DPP4: variants seen among roughly 807,000 people sequenced by gnomAD.
DPP4 encodes dipeptidyl peptidase 4.
Under a neutral mutation model 122.4 loss-of-function variants are expected in DPP4, and 93 were observed. The ratio of observed to expected loss-of-function variants is 0.76; its 90% CI spans 0.64 to 0.90. The LOEUF (loss-of-function observed/expected upper bound fraction) is 0.90. Among genes scored for constraint, DPP4 ranks in the 40% least tolerant of loss-of-function variants. The probability of loss-of-function intolerance (pLI) is 0.00; values close to 1 mark genes in which losing one functional copy is unlikely to be tolerated. For synonymous variants in DPP4, 321 were observed against 302.9 expected (o/e 1.06, Z -0.62); for missense variants, 914 against 907.3 (o/e 1.01, Z -0.09).
At chr2:162,044,463 T>C (rs146329758) in intron 5 of DPP4, among the ~76,000 whole-genome samples, 5,743 of 151,442 alleles carry the variant, frequency 0.038, 243 homozygotes, top group African/African-American at 0.098. Context: ...GGTGTGTGAG[T>C]GTTGGTGTGT....
intron 2 of DPP4, among the ~76,000 whole-genome samples, chr2:162,061,599 A>G (rs1270809143): frequency 6.6e-6 from 1 of 152,238 alleles, no homozygotes; most frequent in Non-Finnish European, 1.5e-5. Flanking sequence ...AGCACTTACA[A>G]ATTGTAGGTA....
intron 11 of DPP4, 77 bp from the exon 12 acceptor site, chr2:162,022,876 T>C (rs1683184648): frequency 3.6e-6 from 5 of 1,403,762 alleles, no homozygotes; most frequent in Admixed American, 1.7e-5. Context: ...TGTGGTAATA[T>C]AAATAGAGCT....
At chr2:162,053,428 A>T (rs1247749156) in intron 2 of DPP4, among the ~76,000 whole-genome samples, 9 of 133,968 alleles carry the variant, frequency 6.7e-5, no homozygotes, top group Non-Finnish European at 9.4e-5. Context: ...GAATAACTTT[A>T]AAAAAAAAAA....
At position 161,992,986 on chromosome 2, in the gene DPP4, A is replaced by T. The variant is rs1700901641; in HGVS notation, c.*297T>A. On this transcript the variant is annotated 3_prime_UTR_variant, in exon 26 of 26. Coordinates refer to ENST00000360534, the MANE Select transcript of DPP4 (RefSeq NM_001935.4). ...GATTAAAATCCTGCTCAGGGAATCT[A>T]TGCAAAGCCTCCATAAAAACAATTC... 3 of 312,138 alleles carry T rather than the reference A, an allele frequency of 9.6e-6. No homozygotes were observed. Among genetic ancestry groups the T allele is most frequent in the Non-Finnish European group, 1.8e-5 (3 of 162,346 alleles). The allele number at this position is 312,138 out of a possible 1,614,324, so 19.3% of individuals were successfully genotyped here.
At chr2:162,065,310 G>C (rs1684912508) in intron 2 of DPP4, among the ~76,000 whole-genome samples, 1 of 152,172 alleles carries the variant, frequency 6.6e-6, no homozygotes, top group Non-Finnish European at 1.5e-5. Context: ...TGAATGAGCT[G>C]TATGAGCAAG....
At chr2:162,050,259 T>TA (rs1160724284) in intron 2 of DPP4, among the ~76,000 whole-genome samples, 6 of 152,244 alleles carry the variant, frequency 3.9e-5, no homozygotes, top group African/African-American at 1.4e-4. Context: ...GGTATTAGTT[T>TA]AAAAAGTACT....
intron 18 of DPP4, among the ~76,000 whole-genome samples, chr2:162,015,826 C>A (rs1486675943): frequency 6.6e-6 from 1 of 152,138 alleles, no homozygotes; most frequent in African/African-American, 2.4e-5. Flanking sequence ...CCTTCTGTAC[C>A]AGGTTGTCAA....
intron 23 of DPP4, 129 bp downstream of exon 23, chr2:162,005,616 G>A: frequency 1.3e-6 from 1 of 778,756 alleles, no homozygotes; most frequent in Non-Finnish European, 2.0e-6. Context: ...TAAACCACCT[G>A]TGTTATTTCT....
At chr2:162,032,669 ACT>A (rs1331164970) in intron 10 of DPP4, among the ~76,000 whole-genome samples, 3 of 151,460 alleles carry the variant, frequency 2.0e-5, no homozygotes, top group Non-Finnish European at 4.4e-5. Context: ...ACAGAGCAAG[ACT>A]CTGTCTCAAA....
chr2:162,070,490 C>T (rs1412344077), intron 2 of DPP4, among the ~76,000 whole-genome samples: 1 of 152,124 alleles, frequency 6.6e-6, no homozygotes, highest in African/African-American at 2.4e-5. Flanking sequence ...TCTTTAGTTT[C>T]CACGTAATTT....
chr2:162,030,766 A>G (rs1176694219), intron 10 of DPP4, among the ~76,000 whole-genome samples: 1 of 152,230 alleles, frequency 6.6e-6, no homozygotes, highest in African/African-American at 2.4e-5. Flanking sequence ...AACAGAGACC[A>G]GAGCTATATT....
At chr2:162,068,602 G>T (rs1685022344) in intron 2 of DPP4, among the ~76,000 whole-genome samples, 1 of 152,150 alleles carries the variant, frequency 6.6e-6, no homozygotes, top group Admixed American at 6.5e-5. Flanking sequence ...CTGAGGCTAG[G>T]TCATAAAAGG....
At chr2:162,053,440 C>A (rs952802207) in intron 2 of DPP4, among the ~76,000 whole-genome samples, 10 of 150,870 alleles carry the variant, frequency 6.6e-5, no homozygotes, top group Admixed American at 1.3e-4. Context: ...AAAAAAAAAA[C>A]AAAAATAACT....
At position 162,018,743 on chromosome 2, in the gene DPP4, T is replaced by A. The variant is rs200729319; in HGVS notation, c.1406A>T (p.Gln469Leu). 3.3e-5 allele frequency: 53 copies of A among 1,613,972 alleles called. No individual in the cohort carries two copies. The highest frequency in any genetic ancestry group is 3.8e-5 in the Non-Finnish European group (45 of 1,180,030). ...CTCAGACTTACCGGAACATCTCAGC[T>A]GATAATACTTCGCCTCTTTACTGAA... is the stretch of plus-strand genomic sequence containing the variant. ...VSFSKEAKYYQLRCSGPGLPL... is the reference protein window; with the variant it reads ...VSFSKEAKYYLLRCSGPGLPL... Residue 469 changes from glutamine to leucine, a missense_variant, in exon 16 of 26, where the codon CAG becomes CTG. Physicochemically the swap from Gln to Leu is moderately radical, Grantham distance 113 (BLOSUM62 -2). Transcript: ENST00000360534.
At chr2:162,023,710 G>A (rs924289437) in intron 11 of DPP4, among the ~76,000 whole-genome samples, 5 of 151,972 alleles carry the variant, frequency 3.3e-5, no homozygotes, top group African/African-American at 4.8e-5. Context: ...CCCTTTTTAG[G>A]GTACAATGAG....
chr2:162,073,509 C>T (rs1685195195), intron 1 of DPP4, 23 bp from the exon 2 acceptor site: 1 of 1,611,400 alleles, frequency 6.2e-7, no homozygotes, highest in Admixed American at 1.7e-5. Context: ...CAGATCAAGT[C>T]CAATTAGAGG....
At chr2:161,998,474 A>G (rs1398057705) in intron 23 of DPP4, among the ~76,000 whole-genome samples, 2 of 151,962 alleles carry the variant, frequency 1.3e-5, no homozygotes, top group African/African-American at 4.8e-5. Flanking sequence ...CAAATATACA[A>G]CTGTGCCACC....
chr2:162,027,726 A>G (rs79779546), intron 10 of DPP4, among the ~76,000 whole-genome samples: 2,199 of 152,300 alleles, frequency 0.014, 59 homozygotes, highest in African/African-American at 0.051. Context: ...ACAGTCATAA[A>G]TTAAACATCA....
intron 20 of DPP4, among the ~76,000 whole-genome samples, chr2:162,010,299 CA>C (rs1360157316): frequency 2.6e-5 from 4 of 152,264 alleles, no homozygotes; most frequent in Non-Finnish European, 1.5e-5. Context: ...GCCTCTAAGG[CA>C]TTTCCCTCTT....
Sources: allele counts gnomAD v4.1 joint callset (sites outside exome capture counted in the v4.1 genomes callset), GRCh38; gene constraint gnomAD v4.1.1; transcripts MANE v1.5; gene names NCBI Gene and HGNC (gene_info 2026-07-23, HGNC 2026-07-21).